Variants in KIFAP3 observed in about 807,000 individuals in gnomAD.
KIFAP3 encodes kinesin-associated protein 3.
A neutral mutation model predicts 106.5 loss-of-function variants in KIFAP3; 68 were observed. The observed-to-expected ratio is 0.64, with a 90% CI of 0.53 to 0.78. The LOEUF (loss-of-function observed/expected upper bound fraction) is 0.78. KIFAP3 is among the 30% of genes least tolerant of loss of function. The pLI, the probability that KIFAP3 is intolerant of heterozygous loss-of-function variation, is 0.00. For synonymous variants in KIFAP3, 320 were observed against 311.5 expected, an observed-to-expected ratio of 1.03 and a Z score of -0.29; for missense variants, 780 against 941.8, an observed-to-expected ratio of 0.83 and a Z score of 2.25.
At chr1:170,049,714 C>G (rs997950791) in intron 2 of KIFAP3, among the ~76,000 whole-genome samples, 3 of 152,100 alleles carry the variant, frequency 2.0e-5, no homozygotes, top group Non-Finnish European at 4.4e-5. Context: ...AGTGGAATTG[C>G]AGCACACTGC....
At chr1:170,063,538 G>C (rs990828237) in intron 1 of KIFAP3, among the ~76,000 whole-genome samples, 1 of 152,126 alleles carries the variant, frequency 6.6e-6, no homozygotes, top group Non-Finnish European at 1.5e-5. Context: ...GCTTGTATGA[G>C]TAACACTCCC....
intron 1 of KIFAP3, among the ~76,000 whole-genome samples, chr1:170,066,858 C>A (rs927226658): frequency 5.3e-5 from 8 of 152,174 alleles, no homozygotes; most frequent in African/African-American, 1.7e-4. Flanking sequence ...ATTAAGGTGA[C>A]CCTAAATTTT....
At chr1:170,075,619 G>A (rs910500851), upstream of KIFAP3, among the ~76,000 whole-genome samples, 6 of 152,168 alleles carry the variant, frequency 3.9e-5, no homozygotes, top group African/African-American at 1.2e-4. Context: ...ATTAAATATA[G>A]AAATACAGTC....
At chr1:169,922,064 T>G (rs1199119440) in intron 19 of KIFAP3, among the ~76,000 whole-genome samples, 2 of 152,164 alleles carry the variant, frequency 1.3e-5, no homozygotes, top group Admixed American at 1.3e-4. Flanking sequence ...ATTTAATAAA[T>G]TACTTATATA....
In KIFAP3 at chr1:169,972,549, G is replaced by T; in HGVS notation, c.1947C>A (p.Ile649=). Residue 649 remains isoleucine, a synonymous_variant, in exon 17 of 20, where the codon ATC becomes ATA. Coordinates refer to ENST00000361580, the MANE Select transcript of KIFAP3 (RefSeq NM_014970.4). ...IDLMHDKNNE[I]RKVCDNTLDI... Reference sequence around the variant, plus strand: ...CTAATGTATTATCACAGACCTTTCGGATTTCATTATTCTTATCATGCATTA... The same window carrying T: ...CTAATGTATTATCACAGACCTTTCGTATTTCATTATTCTTATCATGCATTA... 1 of 1,566,746 alleles carries T rather than the reference G, an allele frequency of 6.4e-7. No individual in the cohort carries two copies. The highest frequency in any genetic ancestry group is 8.8e-7 in the Non-Finnish European group (1 of 1,141,142).
At chr1:170,030,572 A>C (rs896145110) in intron 8 of KIFAP3, among the ~76,000 whole-genome samples, 2 of 151,896 alleles carry the variant, frequency 1.3e-5, no homozygotes, top group African/African-American at 4.8e-5. Flanking sequence ...GAAATATTCT[A>C]ATGATCATCA....
At chr1:169,924,451 T>A (rs905532344) in intron 19 of KIFAP3, among the ~76,000 whole-genome samples, 5 of 152,254 alleles carry the variant, frequency 3.3e-5, no homozygotes, top group African/African-American at 1.2e-4. Flanking sequence ...TTCTCCATTA[T>A]GTATCACAGA....
chr1:170,004,275 T>C (rs1571644737), intron 10 of KIFAP3, among the ~76,000 whole-genome samples: 1 of 152,112 alleles, frequency 6.6e-6, no homozygotes, highest in Non-Finnish European at 1.5e-5. Context: ...AAAATGGCCA[T>C]ACTGCCCAAG....
At chr1:169,996,915 G>T (rs1667397790) in intron 10 of KIFAP3, among the ~76,000 whole-genome samples, 1 of 152,132 alleles carries the variant, frequency 6.6e-6, no homozygotes. Context: ...AGAATTTCCT[G>T]ATGGGGCAAA....
At chr1:169,978,942 T>C (rs980433873) in intron 15 of KIFAP3, among the ~76,000 whole-genome samples, 1 of 152,072 alleles carries the variant, frequency 6.6e-6, no homozygotes. Context: ...CCCAAACAAA[T>C]TGGGCTAAAT....
intron 6 of KIFAP3, among the ~76,000 whole-genome samples, chr1:170,034,830 TTTTA>T (rs1401159407): frequency 1.3e-5 from 2 of 151,952 alleles, no homozygotes; most frequent in Non-Finnish European, 2.9e-5. Context: ...TAGACATACA[TTTTA>T]TTTATTGTAT....
chr1:169,932,501 T>C (rs988685517), intron 19 of KIFAP3, among the ~76,000 whole-genome samples: 3 of 152,038 alleles, frequency 2.0e-5, no homozygotes, highest in African/African-American at 7.2e-5. Context: ...AAATGGAATA[T>C]AAAATTATCA....
Position 169,926,328 on chromosome 1 carries a change from TG to T in KIFAP3, c.2274-4548del, listed in dbSNP as rs1663130218. ...CCTTGTTTATTCAAGCCTCATTACA[TG>T]GTCTCTAATCTTTACCATCTCAGTT... is the stretch of plus-strand genomic sequence containing the variant. On this transcript the variant is annotated intron_variant, in intron 19 of 19. Transcript: ENST00000361580. 2.6e-5 allele frequency among the ~76,000 whole-genome samples: 4 copies of T among 152,212 alleles called. No individual in the cohort carries two copies. The South Asian group carries it at 8.3e-4, about 31-fold the overall frequency.
At chr1:170,027,011 C>T (rs999459972) in intron 8 of KIFAP3, among the ~76,000 whole-genome samples, 17 of 128,166 alleles carry the variant, frequency 1.3e-4, no homozygotes, top group Non-Finnish European at 2.2e-4. Context: ...CACTGTCTTG[C>T]TTCTTTTTTT....
chr1:170,010,797 C>A (rs546840019), intron 10 of KIFAP3, among the ~76,000 whole-genome samples: 1 of 151,546 alleles, frequency 6.6e-6, no homozygotes, highest in South Asian at 2.1e-4. Context: ...TGTGGGGGTC[C>A]CCAAATTATA....
chr1:169,989,173 T>C (rs1223740979), intron 11 of KIFAP3, among the ~76,000 whole-genome samples: 1 of 151,994 alleles, frequency 6.6e-6, no homozygotes, highest in Non-Finnish European at 1.5e-5. Context: ...AATAACAGTA[T>C]CTAAAAAGTA....
intron 18 of KIFAP3, among the ~76,000 whole-genome samples, chr1:169,956,342 T>C (rs1293892245): frequency 2.0e-5 from 3 of 152,126 alleles, no homozygotes; most frequent in Non-Finnish European, 4.4e-5. Context: ...CCAGATTAGG[T>C]AGAAATTAAG....
chr1:170,022,275 C>A lies in KIFAP3; in HGVS notation c.1020+2143G>T, dbSNP rs530861766. Among the ~76,000 whole-genome samples, 174 of 152,152 alleles carry A rather than the reference C, an allele frequency of 1.1e-3. 1 individual carries two copies. Among genetic ancestry groups the A allele is most frequent in the African/African-American group, 4.1e-3 (170 of 41,520 alleles). On this transcript the variant is annotated intron_variant, in intron 9 of 19. Transcript: ENST00000361580. ...TCCTCAAGTCTATTTCTATAACACA[C>A]AACTTATTAGTATTTTTATTAAACA...
chr1:170,058,796 C>A (rs1055049864), intron 1 of KIFAP3, among the ~76,000 whole-genome samples: 3 of 151,922 alleles, frequency 2.0e-5, no homozygotes, highest in African/African-American at 4.8e-5. Flanking sequence ...AAAATGATGA[C>A]CCTAACCAAA....
Sources: allele counts gnomAD v4.1 joint callset (sites outside exome capture counted in the v4.1 genomes callset), GRCh38; gene constraint gnomAD v4.1.1; transcripts MANE v1.5; gene names NCBI Gene and HGNC (gene_info 2026-07-23, HGNC 2026-07-21).